Variants in ATP6V1H observed in about 807,000 individuals in gnomAD.
ATP6V1H encodes V-type proton ATPase subunit H.
In ATP6V1H, 39 loss-of-function variants were observed where a neutral mutation model predicts 71.7. The ratio of observed to expected loss-of-function variants is 0.54; its 90% CI spans 0.42 to 0.71. The LOEUF is 0.71. Among genes scored for constraint, ATP6V1H ranks in the 30% least tolerant of loss-of-function variants. ATP6V1H has a pLI of 0.00. For missense variants in ATP6V1H, 509 were observed against 594.9 expected (o/e 0.86, Z 1.50); for synonymous variants, 192 against 199.3 (o/e 0.96, Z 0.31).
intron 9 of ATP6V1H, among the ~76,000 whole-genome samples, chr8:53,774,101 T>A (rs755478842): frequency 6.6e-6 from 1 of 152,188 alleles, no homozygotes; most frequent in African/African-American, 2.4e-5. Flanking sequence ...ATGGGGCTGA[T>A]ATTTTATTTG....
chr8:53,829,961 T>C (rs1810951223), intron 3 of ATP6V1H, among the ~76,000 whole-genome samples: 1 of 152,152 alleles, frequency 6.6e-6, no homozygotes, highest in Non-Finnish European at 1.5e-5. Context: ...CTACAGTGTA[T>C]CAACTACATG....
intron 13 of ATP6V1H, among the ~76,000 whole-genome samples, chr8:53,718,342 T>C (rs1316687247): frequency 6.6e-6 from 1 of 151,752 alleles, no homozygotes; most frequent in Non-Finnish European, 1.5e-5. Flanking sequence ...TTTTTCTTCC[T>C]GGTCAAAGAT....
intron 12 of ATP6V1H, among the ~76,000 whole-genome samples, chr8:53,755,992 T>C (rs1446207807): frequency 5.6e-5 from 8 of 142,886 alleles, no homozygotes; most frequent in South Asian, 4.4e-4. Context: ...CTCCTGACCT[T>C]GTGATCCGCC....
At chr8:53,819,976 G>A (rs1585824645) in intron 4 of ATP6V1H, among the ~76,000 whole-genome samples, 1 of 151,488 alleles carries the variant, frequency 6.6e-6, no homozygotes, top group African/African-American at 2.4e-5. Context: ...CATGCCCTCA[G>A]GATAACAAGA....
intron 3 of ATP6V1H, among the ~76,000 whole-genome samples, chr8:53,831,001 G>A (rs1810988205): frequency 1.3e-5 from 2 of 152,236 alleles, no homozygotes; most frequent in Admixed American, 6.5e-5. Flanking sequence ...CTTCAATATG[G>A]CAAAGACCCC....
At chr8:53,801,364 T>C (rs909503914) in intron 8 of ATP6V1H, among the ~76,000 whole-genome samples, 2 of 152,234 alleles carry the variant, frequency 1.3e-5, no homozygotes, top group Non-Finnish European at 2.9e-5. Flanking sequence ...TGCTTGTCTG[T>C]ATAAGCCTGA....
intron 11 of ATP6V1H, among the ~76,000 whole-genome samples, chr8:53,765,073 C>T (rs1007486592): frequency 6.6e-6 from 1 of 151,942 alleles, no homozygotes; most frequent in African/African-American, 2.4e-5. Context: ...CCACTTCACT[C>T]CAATCTGGGT....
At chr8:53,743,417 T>C (rs1213496278) in intron 13 of ATP6V1H, among the ~76,000 whole-genome samples, 160 bp downstream of exon 13, 1 of 150,976 alleles carries the variant, frequency 6.6e-6, no homozygotes, top group African/African-American at 2.4e-5. Flanking sequence ...ATAAAACTAA[T>C]GTGTCATTGC....
chr8:53,726,252 T>C (rs1321795845), intron 13 of ATP6V1H, among the ~76,000 whole-genome samples: 1 of 152,204 alleles, frequency 6.6e-6, no homozygotes, highest in Non-Finnish European at 1.5e-5. Flanking sequence ...TTTGCTCTCA[T>C]TTAACATGAC....
At chr8:53,731,352 A>G (rs1388426266) in intron 13 of ATP6V1H, among the ~76,000 whole-genome samples, 1 of 152,212 alleles carries the variant, frequency 6.6e-6, no homozygotes, top group East Asian at 1.9e-4. Context: ...AAAGCTAAAG[A>G]AAGGCAAAAA....
chr8:53,759,535 C>T (rs1038775125), intron 11 of ATP6V1H, among the ~76,000 whole-genome samples: 2 of 152,222 alleles, frequency 1.3e-5, no homozygotes, highest in Middle Eastern at 3.2e-3. Flanking sequence ...CAACACACCA[C>T]AGCTCTGTAG....
intron 9 of ATP6V1H, among the ~76,000 whole-genome samples, chr8:53,772,815 A>G (rs1260589249): frequency 6.6e-6 from 1 of 151,954 alleles, no homozygotes; most frequent in Non-Finnish European, 1.5e-5. Flanking sequence ...GGACCAGGCT[A>G]AACTCTTGGA....
At chr8:53,722,668 T>G (rs1806666028) in intron 13 of ATP6V1H, among the ~76,000 whole-genome samples, 1 of 152,122 alleles carries the variant, frequency 6.6e-6, no homozygotes, top group South Asian at 2.1e-4. Context: ...AATCGATGAT[T>G]GTTGAATAAA....
intron 9 of ATP6V1H, among the ~76,000 whole-genome samples, chr8:53,785,997 G>A (rs1170215005): frequency 5.3e-5 from 8 of 152,226 alleles, no homozygotes; most frequent in Non-Finnish European, 1.2e-4. Context: ...GGACCCACTT[G>A]AGGAGGTAGT....
chr8:53,841,790 T>C, intron 1 of ATP6V1H, 65 bp from the exon 2 acceptor site: 1 of 1,404,254 alleles, frequency 7.1e-7, no homozygotes, highest in South Asian at 1.4e-5. Flanking sequence ...ACTATTAATA[T>C]TATGATTATG....
At position 53,795,268 on chromosome 8, in the gene ATP6V1H, C is replaced by T. The variant is rs556287346; in HGVS notation, c.870+379G>A. On this transcript the variant is annotated intron_variant, in intron 9 of 13. Transcript: ENST00000359530. ...TCTTTATAGTTGCCTCAAAAATGTACTCCAGTCAGTAGATCCAGAACCTGA... is the reference window on the plus strand; with the variant it reads ...TCTTTATAGTTGCCTCAAAAATGTATTCCAGTCAGTAGATCCAGAACCTGA... Among the ~76,000 whole-genome samples, 33 of 152,230 alleles carry T rather than the reference C, an allele frequency of 2.2e-4. No individual in the cohort carries two copies. The South Asian group carries it at 6.6e-3, about 31-fold the overall frequency.
chr8:53,755,910 A>T (rs1808036188), intron 12 of ATP6V1H, among the ~76,000 whole-genome samples: 2 of 133,248 alleles, frequency 1.5e-5, no homozygotes, highest in South Asian at 5.0e-4. Context: ...GGCGCCCGCC[A>T]CTACGCCCGG....
intron 2 of ATP6V1H, among the ~76,000 whole-genome samples, chr8:53,837,142 A>G (rs1811183746): frequency 6.6e-6 from 1 of 151,810 alleles, no homozygotes; most frequent in African/African-American, 2.4e-5. Flanking sequence ...ACTCCATCTC[A>G]TAAAAAAAAA....
chr8:53,743,569 T>C lies in ATP6V1H; in HGVS notation c.1391+8A>G, dbSNP rs2130186193. Reference sequence around the variant, plus strand: ...ATGTACAAGTGTGAGCAAAAAGCCGTGGCATACCAGTTGTGCACCATGAGC... The same window carrying C: ...ATGTACAAGTGTGAGCAAAAAGCCGCGGCATACCAGTTGTGCACCATGAGC... On this transcript the variant is annotated splice_region_variant and intron_variant, in intron 13 of 13. Transcript: ENST00000359530. The C allele has an allele frequency of 6.2e-7, 1 of 1,609,926 alleles. No individual in the cohort carries two copies. Among genetic ancestry groups the C allele is most frequent in the Non-Finnish European group, 8.5e-7 (1 of 1,176,360 alleles).
Sources: allele counts gnomAD v4.1 joint callset (sites outside exome capture counted in the v4.1 genomes callset), GRCh38; gene constraint gnomAD v4.1.1; transcripts MANE v1.5; gene names NCBI Gene and HGNC (gene_info 2026-07-23, HGNC 2026-07-21).